The following STXBP2 variants were observed in gnomAD, a reference collection of about 807,000 sequenced individuals.
The protein encoded by STXBP2 is syntaxin-binding protein 2.
A neutral mutation model predicts 72.2 loss-of-function variants in STXBP2; 47 were observed. That is an observed-to-expected ratio of 0.65 (90% CI 0.51 to 0.83). STXBP2 has a LOEUF of 0.83. Among genes scored for constraint, STXBP2 ranks in the 40% least tolerant of loss-of-function variants. The probability of loss-of-function intolerance (pLI) is 0.00; values close to 1 mark genes in which losing one functional copy is unlikely to be tolerated. For missense variants in STXBP2, 702 were observed against 807.6 expected, an observed-to-expected ratio of 0.87 and a Z score of 1.58; for synonymous variants, 367 against 338.7, an observed-to-expected ratio of 1.08 and a Z score of -0.92.
chr19:7,641,848 C>A lies in STXBP2; in HGVS notation c.573C>A (p.Tyr191Ter). The A allele has an allele frequency of 6.4e-7, 1 of 1,556,042 alleles. No individual in the cohort carries two copies. The change falls in exon 7 of 19, where the codon TAC becomes TAA. Residue 191 changes from tyrosine (Y) to a stop codon, truncating the protein, a stop_gained. Transcript: ENST00000221283. LOFTEE classifies it high-confidence loss of function. ...TGCAGGAGTACCCGGCCATCCGCTA[C>A]CGCAAGTGGGGACCCCACCCAGCCC... The part of the protein sequence containing the change: ...ATLQEYPAIR[Y>*]RKGPEDTAQL...
At chr19:7,630,445 C>T in the STXBP2 span, 1 of 721,876 alleles carries the variant, frequency 1.4e-6, no homozygotes, top group African/African-American at 1.8e-5. Flanking sequence ...GGTGGGAGTT[C>T]TGGGATTCTT....
In STXBP2 at chr19:7,642,515, T is replaced by G; in HGVS notation, c.881T>G (p.Met294Arg). 6.2e-7 allele frequency: 1 copy of G among 1,614,074 alleles called. No homozygotes were observed. The highest frequency in any genetic ancestry group is 1.1e-5 in the South Asian group (1 of 91,090). The change falls in exon 10 of 19, where the codon ATG becomes AGG. Residue 294 changes from methionine (M) to arginine (R), a missense_variant. Coordinates refer to ENST00000221283, the MANE Select transcript of STXBP2 (RefSeq NM_006949.4). The surrounding 1 kb of genome is among the most constrained non-coding windows in gnomAD (Gnocchi z 6.0). ...GACTTGTGGGTGGAGCTTCGCCACA[T>G]GCATATCGCAGATGTGTCCAAGTGC... ...DDDLWVELRH[M>R]HIADVSKKVT... is the part of the protein sequence containing the mutation.
chr19:7,637,109 T>G, upstream of STXBP2: 1 of 1,237,900 alleles, frequency 8.1e-7, no homozygotes, highest in Non-Finnish European at 1.0e-6. Flanking sequence ...GCCCCCACCT[T>G]GGGACACACC....
At chr19:7,629,837 G>C in the STXBP2 span, 2 of 1,536,328 alleles carry the variant, frequency 1.3e-6, no homozygotes, top group South Asian at 2.4e-5. Context: ...AAACGAGATG[G>C]GGGTGAAGCT....
the STXBP2 span, chr19:7,631,411 G>GGCCCCCCCCCCCCC: frequency 1.1e-6 from 1 of 886,124 alleles, no homozygotes; most frequent in Non-Finnish European, 1.7e-6. Flanking sequence ...GGGGGGGGTG[G>GGCCCCCCCCCCCCC]TCCCGGCTCT....
At chr19:7,641,053 G>A (rs759750934) in intron 6 of STXBP2, 50 bp downstream of exon 6, 27 of 1,584,470 alleles carry the variant, frequency 1.7e-5, no homozygotes, top group Middle Eastern at 3.3e-4. Flanking sequence ...GTGACCAAAT[G>A]TCCCCTGTTC....
rs529478519 is a variant in STXBP2 at position 7,640,038 on chromosome 19, CTG to C, written c.246+238_246+239del. On this transcript the variant is annotated intron_variant, in intron 4 of 18. Coordinates refer to ENST00000221283, the MANE Select transcript of STXBP2 (RefSeq NM_006949.4). ...TGTGTGCATGTGCATGTGTGTGCGT[CTG>C]TGTGTGCATTTGTGTGTATGTGTGT... 158 of 644,050 alleles carry C rather than the reference CTG, an allele frequency of 2.5e-4. 1 individual carries two copies. Among genetic ancestry groups the C allele is most frequent in the South Asian group, 1.2e-3 (81 of 65,690 alleles). 39.9% of individuals were successfully genotyped at this position (644,050 alleles called of 1,614,324 possible). A position where few individuals can be genotyped will look rare whatever the true frequency, so the allele number is the denominator to read the frequency against.
the STXBP2 span, chr19:7,629,894 G>T: frequency 6.6e-7 from 1 of 1,510,538 alleles, no homozygotes; most frequent in Admixed American, 2.2e-5. Context: ...GGGAGGCTGG[G>T]CAGGGGATCT....
At chr19:7,632,333 GCA>G, upstream of STXBP2, 1 of 1,600,800 alleles carries the variant, frequency 6.2e-7, no homozygotes, top group Non-Finnish European at 8.5e-7. The surrounding 1 kb of genome is among the most constrained non-coding windows in gnomAD (Gnocchi z 5.2). Context: ...GGGGTGGAGG[GCA>G]GGATCGGAGA....
In STXBP2 at chr19:7,642,290, G is replaced by A. The variant is rs747657429; in HGVS notation, c.751G>A (p.Ala251Thr). ...ACTACTGCATGAGCTCACGTTCCAG[G>A]CCATGGCGTATGATCTGCTGGACAT... ...SPLLHELTFQ[A>T]MAYDLLDIEQ... Residue 251 changes from alanine to threonine, a missense_variant, in exon 9 of 19, where the codon GCC becomes ACC. Physicochemically the swap from Ala to Thr is moderately conservative, Grantham distance 58 (BLOSUM62 0). Transcript: ENST00000221283. This position sits in a 1 kb window ranked among gnomAD's most constrained non-coding sequence, Gnocchi z 6.0. The A allele has an allele frequency of 6.2e-7, 1 of 1,614,122 alleles. No homozygotes were observed. The highest frequency in any genetic ancestry group is 1.6e-4 in the Middle Eastern group (1 of 6,062).
chr19:7,634,385 G>A (rs914665651), upstream of STXBP2, among the ~76,000 whole-genome samples: 2 of 152,084 alleles, frequency 1.3e-5, no homozygotes, highest in South Asian at 2.1e-4. Context: ...ACCTCTGCCC[G>A]AGCCTCCTCT....
Position 7,640,937 on chromosome 19 carries a change from T to G in STXBP2, c.363T>G (p.Ser121=). Residue 121 remains serine, a synonymous_variant, in exon 6 of 19, where the codon TCT becomes TCG. Coordinates refer to ENST00000221283, the MANE Select transcript of STXBP2 (RefSeq NM_006949.4). The part of the protein sequence containing the change: ...PEPLFSELGR[S]RLAKVVKTLK... ...CCCTGTTCAGTGAGCTAGGCCGCTCTCGTCTGGCAAAGGTGGTGAAGACGT... is the reference window on the plus strand; with the variant it reads ...CCCTGTTCAGTGAGCTAGGCCGCTCGCGTCTGGCAAAGGTGGTGAAGACGT... 6.2e-7 allele frequency: 1 copy of G among 1,614,204 alleles called. No individual in the cohort carries two copies. The highest frequency in any genetic ancestry group is 1.1e-5 in the South Asian group (1 of 91,092).
At chr19:7,641,053 GT>G in intron 6 of STXBP2, 50 bp downstream of exon 6, 3 of 1,584,470 alleles carry the variant, frequency 1.9e-6, no homozygotes, top group Non-Finnish European at 2.6e-6. Context: ...GTGACCAAAT[GT>G]CCCCTGTTCC....
chr19:7,639,850 G>A, intron 4 of STXBP2, 43 bp downstream of exon 4: 1 of 1,563,688 alleles, frequency 6.4e-7, no homozygotes, highest in Non-Finnish European at 8.8e-7. Context: ...GTGCATGCGT[G>A]TACATGTGCA....
the STXBP2 span, chr19:7,629,843 A>G: frequency 6.5e-7 from 1 of 1,535,984 alleles, no homozygotes; most frequent in Non-Finnish European, 8.7e-7. Context: ...GATGGGGGTG[A>G]AGCTGGAGAT....
intron 4 of STXBP2, 130 bp downstream of exon 4, chr19:7,639,937 TGCA>T: frequency 2.3e-6 from 1 of 429,414 alleles, no homozygotes; most frequent in Non-Finnish European, 3.9e-6. Context: ...TGTATGTGTG[TGCA>T]TGTGTGTGCA....
upstream of STXBP2, among the ~76,000 whole-genome samples, chr19:7,635,040 A>G (rs1488945221): frequency 1.3e-5 from 2 of 152,220 alleles, no homozygotes; most frequent in East Asian, 1.9e-4. Context: ...GCTAATATCT[A>G]TACTAACCCC....
In STXBP2 at chr19:7,645,303, C is replaced by T. The variant is rs376551499; in HGVS notation, c.1353C>T (p.Pro451=). The change falls in exon 15 of 19, where the codon CCC becomes CCT. Residue 451 remains proline (P), a synonymous_variant. Coordinates refer to ENST00000221283, the MANE Select transcript of STXBP2 (RefSeq NM_006949.4). The stretch of plus-strand genomic sequence containing the variant: ...AGCTGGGAGGCACTGTCACCAACCC[C>T]GGGGTACGCCAGGAGCGGGCATGGG... ...LEQLGGTVTN[P]GGSGTSSRLE... is the part of the protein sequence containing the mutation. The T allele has an allele frequency of 1.4e-5, 22 of 1,580,640 alleles. No homozygotes were observed. Among genetic ancestry groups the T allele is most frequent in the Middle Eastern group, 3.4e-4 (2 of 5,832 alleles).
At position 7,640,418 on chromosome 19, in the gene STXBP2, G is replaced by GT. The variant is rs1289038767; in HGVS notation, c.247-312dup. On this transcript the variant is annotated intron_variant, in intron 4 of 18. Transcript: ENST00000221283. The stretch of plus-strand genomic sequence containing the variant: ...TGTGTGTATATGTGTGTATGTATGT[G>GT]TGCGCGCGCATCTGTGTGTGTGCAT... The GT allele has an allele frequency of 1.1e-5, 7 of 628,838 alleles. No homozygotes were observed. The Admixed American group carries it at 1.6e-4, about 14-fold the overall frequency. 39.0% of individuals were successfully genotyped at this position (628,838 alleles called of 1,614,324 possible).
Sources: gnomAD v4.1 joint callset for allele counts (sites outside exome capture counted in the v4.1 genomes callset) on GRCh38, gnomAD v4.1.1 for gene constraint, Gnocchi (gnomAD v3.1) non-coding constraint, MANE v1.5 for transcripts, NCBI Gene and HGNC (gene_info 2026-07-23, HGNC 2026-07-21) for gene names.